Variants in ALG14 observed in about 807,000 individuals in gnomAD.
ALG14 encodes the protein UDP-N-acetylglucosamine transferase subunit ALG14.
Under a neutral mutation model 22.8 loss-of-function variants are expected in ALG14, and 17 were observed. The ratio of observed to expected loss-of-function variants is 0.75; its 90% CI spans 0.51 to 1.12. The LOEUF (loss-of-function observed/expected upper bound fraction) is 1.12, where lower values mean the gene tolerates loss of function less well. ALG14 is among the 50% of genes most tolerant of loss of function. The pLI is 0.00. For missense variants in ALG14, 288 were observed against 271.8 expected (o/e 1.06, Z -0.42); for synonymous variants, 89 against 103.7 (o/e 0.86, Z 0.86).
At chr1:95,044,909 T>C (rs1471404709) in intron 2 of ALG14, among the ~76,000 whole-genome samples, 1 of 152,152 alleles carries the variant, frequency 6.6e-6, no homozygotes, top group Admixed American at 6.5e-5. Flanking sequence ...TTCTGACACC[T>C]ACTGCATTAT....
chr1:95,022,270 T>C, intron 3 of ALG14: 1 of 973,512 alleles, frequency 1.0e-6, no homozygotes, highest in Non-Finnish European at 1.2e-6. Context: ...ACAGAAGCTA[T>C]AACATTTAAA....
intron 3 of ALG14, among the ~76,000 whole-genome samples, chr1:94,991,035 C>T (rs1672759240): frequency 6.6e-6 from 1 of 152,176 alleles, no homozygotes; most frequent in African/African-American, 2.4e-5. Flanking sequence ...TCATGCAGAC[C>T]CTGGTTGGCT....
At chr1:94,983,485 G>C in intron 3 of ALG14, 179 bp from the exon 4 acceptor site, 1 of 592,636 alleles carries the variant, frequency 1.7e-6, no homozygotes, top group Non-Finnish European at 3.0e-6. Flanking sequence ...TTTGGAGCCA[G>C]GCAGAGCTGT....
chr1:95,026,766 T>TA (rs1271964384), intron 3 of ALG14, among the ~76,000 whole-genome samples: 1 of 152,024 alleles, frequency 6.6e-6, no homozygotes, highest in African/African-American at 2.4e-5. Flanking sequence ...CCATCTCTCT[T>TA]AAAAATACAA....
chr1:95,068,795 C>A (rs1675463768), intron 1 of ALG14, among the ~76,000 whole-genome samples: 1 of 152,120 alleles, frequency 6.6e-6, no homozygotes, highest in Admixed American at 6.5e-5. Context: ...GCACCATTTG[C>A]CAGGTGAATT....
Position 94,979,695 on chromosome 1 carries a change from T to G in ALG14, c.*3381A>C, listed in dbSNP as rs1024244086. The G allele has an allele frequency of 6.6e-6, 1 of 152,166 alleles. No homozygotes were observed. The highest frequency in any genetic ancestry group is 1.5e-5 in the Non-Finnish European group (1 of 68,018). 9.4% of individuals were successfully genotyped at this position (152,166 alleles called of 1,614,324 possible). A position where few individuals can be genotyped will look rare whatever the true frequency, so the allele number is the denominator to read the frequency against. On this transcript the variant is annotated 3_prime_UTR_variant, in exon 4 of 4. Transcript: ENST00000370205. ...AAGCAAAAATGATCCCAAAGTTTGT[T>G]GCTTGAGGGACATGATAGAAGCTAG...
intron 2 of ALG14, among the ~76,000 whole-genome samples, chr1:95,058,482 T>C (rs1013930026): frequency 6.6e-6 from 1 of 150,734 alleles, no homozygotes; most frequent in African/African-American, 2.4e-5. Flanking sequence ...CTGGGCGCCG[T>C]GGCACATGCC....
intron 3 of ALG14, among the ~76,000 whole-genome samples, chr1:95,024,799 TA>T (rs1262695425): frequency 6.6e-6 from 1 of 152,216 alleles, no homozygotes; most frequent in East Asian, 1.9e-4. Flanking sequence ...GCTCTACTTC[TA>T]ATTCTAGCTC....
At chr1:95,072,721 A>G in intron 1 of ALG14, 42 bp downstream of exon 1, 1 of 1,605,634 alleles carries the variant, frequency 6.2e-7, no homozygotes, top group South Asian at 1.1e-5. Flanking sequence ...TGGGGTTTGT[A>G]GTGACCAACC....
intron 3 of ALG14, among the ~76,000 whole-genome samples, chr1:95,008,831 C>G (rs1673287532): frequency 6.6e-6 from 1 of 152,084 alleles, no homozygotes; most frequent in Non-Finnish European, 1.5e-5. Context: ...CCATTTCCCC[C>G]CTTCTTCAGC....
chr1:94,985,205 A>C (rs574162515), intron 3 of ALG14, among the ~76,000 whole-genome samples: 1 of 83,290 alleles, frequency 1.2e-5, no homozygotes, highest in East Asian at 7.2e-4. Context: ...TAACTCTACA[A>C]TTTTCCTCTT....
intron 2 of ALG14, among the ~76,000 whole-genome samples, chr1:95,039,427 TA>T (rs1674311968): frequency 6.6e-6 from 1 of 151,432 alleles, no homozygotes; most frequent in Admixed American, 6.6e-5. Context: ...AGCACTAAGG[TA>T]GAGGAATGGA....
At chr1:95,013,671 A>G (rs879750623) in intron 3 of ALG14, among the ~76,000 whole-genome samples, 2 of 152,080 alleles carry the variant, frequency 1.3e-5, no homozygotes, top group Non-Finnish European at 2.9e-5. Context: ...GGATATCTAC[A>G]ATGTTTTGCC....
At chr1:95,061,213 C>T (rs760451941) in intron 2 of ALG14, among the ~76,000 whole-genome samples, 1 of 152,112 alleles carries the variant, frequency 6.6e-6, no homozygotes, top group Non-Finnish European at 1.5e-5. Context: ...TATTTTAAGC[C>T]ACCCAGTTTA....
chr1:95,053,538 T>C (rs1302211498), intron 2 of ALG14, among the ~76,000 whole-genome samples: 1 of 152,176 alleles, frequency 6.6e-6, no homozygotes. Flanking sequence ...TACCTGTCTC[T>C]GTTTTTTGGG....
chr1:95,016,702 T>C (rs886091380), intron 3 of ALG14, among the ~76,000 whole-genome samples: 1 of 152,120 alleles, frequency 6.6e-6, no homozygotes, highest in African/African-American at 2.4e-5. Flanking sequence ...ATGGCATGCA[T>C]TTAGTCCCCA....
chr1:95,002,657 T>C (rs1043189317), intron 3 of ALG14, among the ~76,000 whole-genome samples: 5 of 151,986 alleles, frequency 3.3e-5, no homozygotes, highest in African/African-American at 1.2e-4. Context: ...CATTTGAAAA[T>C]AGTTTGGGGA....
chr1:94,996,910 T>C (rs1672923467), intron 3 of ALG14, among the ~76,000 whole-genome samples: 1 of 152,194 alleles, frequency 6.6e-6, no homozygotes, highest in Admixed American at 6.5e-5. Flanking sequence ...ATCGAATTCC[T>C]GACCTCAGGT....
chr1:95,072,730 C>A (rs1675611097), intron 1 of ALG14, 33 bp downstream of exon 1: 2 of 1,602,904 alleles, frequency 1.2e-6, no homozygotes, highest in African/African-American at 2.8e-5. Context: ...TAGTGACCAA[C>A]CCAAGTCCGA....
Sources: allele counts gnomAD v4.1 joint callset (sites outside exome capture counted in the v4.1 genomes callset), GRCh38; gene constraint gnomAD v4.1.1; transcripts MANE v1.5; gene names NCBI Gene and HGNC (gene_info 2026-07-23, HGNC 2026-07-21).